FER1L6: variants seen among roughly 807,000 people sequenced by gnomAD.
The protein encoded by FER1L6 is fer-1 like family member 6, also known as fer-1-like protein 6.
A neutral mutation model predicts 219.2 loss-of-function variants in FER1L6; 177 were observed. That is an observed-to-expected ratio of 0.81 (90% CI 0.71 to 0.91). The LOEUF (loss-of-function observed/expected upper bound fraction) is 0.91, where lower values mean the gene tolerates loss of function less well. Among genes scored for constraint, FER1L6 ranks in the 40% least tolerant of loss-of-function variants. FER1L6 has a pLI of 0.00. For missense variants in FER1L6, 2,153 were observed against 2,259.9 expected (o/e 0.95, Z 0.96); for synonymous variants, 768 against 824.3 (o/e 0.93, Z 1.17).
At chr8:124,092,948 C>T (rs1052553489) in intron 34 of FER1L6, among the ~76,000 whole-genome samples, 8 of 151,592 alleles carry the variant, frequency 5.3e-5, no homozygotes, top group African/African-American at 1.7e-4. Context: ...CTCCACCTCC[C>T]GGGTAGCTGG....
intron 12 of FER1L6, among the ~76,000 whole-genome samples, chr8:123,996,887 A>AT (rs1817157996): frequency 6.6e-6 from 1 of 152,182 alleles, no homozygotes; most frequent in Non-Finnish European, 1.5e-5. Context: ...AAGCAAAAAA[A>AT]GCAAAGAGAA....
intron 5 of FER1L6, among the ~76,000 whole-genome samples, chr8:123,969,267 T>A (rs1273436680): frequency 1.3e-5 from 2 of 152,196 alleles, no homozygotes; most frequent in Non-Finnish European, 2.9e-5. Context: ...ATGTTCTTAA[T>A]ATTAAAAATC....
At chr8:123,900,577 C>T (rs553004106) in intron 1 of FER1L6, among the ~76,000 whole-genome samples, 4 of 152,254 alleles carry the variant, frequency 2.6e-5, no homozygotes, top group South Asian at 2.1e-4. Context: ...GGGATGCTTT[C>T]AACTTTTCTT....
At position 123,980,805 on chromosome 8, in the gene FER1L6, C is replaced by G. The variant is rs765650846; in HGVS notation, c.1404C>G (p.Pro468=). The G allele has an allele frequency of 6.2e-7, 1 of 1,612,388 alleles. No individual in the cohort carries two copies. Among genetic ancestry groups the G allele is most frequent in the East Asian group, 2.2e-5 (1 of 44,888 alleles). The change falls in exon 11 of 41, where the codon CCC becomes CCG. Residue 468 remains proline (P), a synonymous_variant. Transcript: ENST00000522917. ...TGGAGGTGGAATCGTTCGATGTCCC[C>G]CCGGAGGTAGGTCTAGGCACTGCAT... The part of the protein sequence containing the change: ...TEVEVESFDV[P]PEIVPEKNEE...
intron 17 of FER1L6, among the ~76,000 whole-genome samples, chr8:124,022,025 A>G (rs1368026143): frequency 6.6e-6 from 1 of 152,204 alleles, no homozygotes; most frequent in Admixed American, 6.5e-5. Context: ...AGTTAGTTGT[A>G]AACGGTGTCT....
chr8:124,045,951 C>T (rs776107178), intron 21 of FER1L6, 50 bp downstream of exon 21: 8 of 1,598,350 alleles, frequency 5.0e-6, no homozygotes, highest in African/African-American at 1.3e-5. Context: ...AAAAATGCCA[C>T]GTTGAACTCA....
chr8:123,875,207 C>A (rs72717162), intron 1 of FER1L6, among the ~76,000 whole-genome samples: 3,001 of 152,022 alleles, frequency 0.02, 42 homozygotes, highest in Non-Finnish European at 0.03. Flanking sequence ...AAAAAACAAT[C>A]AAAAAATGCC....
At chr8:123,923,019 T>C (rs1813421670) in intron 1 of FER1L6, among the ~76,000 whole-genome samples, 1 of 152,144 alleles carries the variant, frequency 6.6e-6, no homozygotes, top group Non-Finnish European at 1.5e-5. Context: ...GCTCTCAGTC[T>C]AGCCACATCC....
At chr8:124,046,525 A>C (rs1394797292) in intron 21 of FER1L6, 4 of 152,188 alleles carry the variant, frequency 2.6e-5, no homozygotes, top group African/African-American at 4.8e-5. Context: ...TCTTTTCTTA[A>C]ATTAGGTAGT....
At chr8:123,975,452 C>G in intron 8 of FER1L6, 146 bp downstream of exon 8, 2 of 693,394 alleles carry the variant, frequency 2.9e-6, no homozygotes, top group Non-Finnish European at 4.7e-6. Flanking sequence ...TATCAGACAC[C>G]AAGATGTGTC....
chr8:123,865,365 G>A (rs1816815928), intron 1 of FER1L6, among the ~76,000 whole-genome samples: 3 of 150,008 alleles, frequency 2.0e-5, no homozygotes, highest in Admixed American at 6.6e-5. Flanking sequence ...CGTGCTGGGA[G>A]AACCACTGCT....
At chr8:124,040,848 T>G (rs1190272026) in intron 20 of FER1L6, 2 of 152,146 alleles carry the variant, frequency 1.3e-5, no homozygotes, top group African/African-American at 4.8e-5. Flanking sequence ...TGAAGGCAGA[T>G]CCTTTATGAC....
chr8:124,029,344 G>C (rs1818857018), intron 18 of FER1L6, among the ~76,000 whole-genome samples: 1 of 152,188 alleles, frequency 6.6e-6, no homozygotes, highest in Non-Finnish European at 1.5e-5. Flanking sequence ...AGATCCTTGA[G>C]GAATCGCCAC....
intron 1 of FER1L6, among the ~76,000 whole-genome samples, chr8:123,884,487 G>T (rs947009332): frequency 6.6e-6 from 1 of 152,180 alleles, no homozygotes; most frequent in Non-Finnish European, 1.5e-5. Context: ...AGGCAGAATT[G>T]CTCTCATCCA....
At chr8:123,981,420 A>G (rs1816322562) in intron 11 of FER1L6, among the ~76,000 whole-genome samples, 2 of 152,250 alleles carry the variant, frequency 1.3e-5, no homozygotes, top group Non-Finnish European at 2.9e-5. Context: ...TAGTTTATCA[A>G]TGGTAACTTG....
intron 1 of FER1L6, among the ~76,000 whole-genome samples, chr8:123,880,978 A>G (rs1419979115): frequency 2.0e-5 from 3 of 152,210 alleles, no homozygotes; most frequent in African/African-American, 7.2e-5. Context: ...CGTCACCTGC[A>G]GCTTAACCCC....
At chr8:124,014,687 A>C (rs375824264) in intron 15 of FER1L6, among the ~76,000 whole-genome samples, 8 of 152,188 alleles carry the variant, frequency 5.3e-5, no homozygotes, top group African/African-American at 1.4e-4. Flanking sequence ...TATTTAATGA[A>C]ATTTTTATAC....
At chr8:124,115,720 T>C (rs1046272509) in intron 39 of FER1L6, among the ~76,000 whole-genome samples, 1 of 152,206 alleles carries the variant, frequency 6.6e-6, no homozygotes, top group African/African-American at 2.4e-5. Flanking sequence ...TGTTATTTCA[T>C]TTATTTTTCA....
At chr8:123,897,120 A>G (rs1563676973) in intron 1 of FER1L6, among the ~76,000 whole-genome samples, 2 of 152,084 alleles carry the variant, frequency 1.3e-5, no homozygotes, top group Admixed American at 1.3e-4. Context: ...TACATCTACA[A>G]TCATTTTCCA....
Sources: gnomAD v4.1 joint callset for allele counts (sites outside exome capture counted in the v4.1 genomes callset) on GRCh38, gnomAD v4.1.1 for gene constraint, MANE v1.5 for transcripts, NCBI Gene and HGNC (gene_info 2026-07-23, HGNC 2026-07-21) for gene names.